The following RABEPK variants were observed in gnomAD, a reference collection of about 807,000 sequenced individuals.
RABEPK encodes the protein 40 kDa Rab9 effector protein.
Under a neutral mutation model 34.1 loss-of-function variants are expected in RABEPK, and 27 were observed. The observed-to-expected ratio is 0.79, with a 90% CI of 0.58 to 1.09. RABEPK has a LOEUF of 1.09. RABEPK is among the 50% of genes least tolerant of loss of function. The pLI is 0.00. For synonymous variants in RABEPK, 172 were observed against 169.2 expected (o/e 1.02, Z -0.13); for missense variants, 449 against 462.6 (o/e 0.97, Z 0.27).
intron 6 of RABEPK, 121 bp downstream of exon 6, chr9:125,228,180 C>A: frequency 1.2e-6 from 1 of 862,672 alleles, no homozygotes. Flanking sequence ...TCAGTAGCCT[C>A]AGCCTCCAGG....
chr9:125,213,957 A>G (rs1434611750), intron 4 of RABEPK, among the ~76,000 whole-genome samples: 4 of 152,030 alleles, frequency 2.6e-5, no homozygotes, highest in Non-Finnish European at 5.9e-5. Flanking sequence ...CCCCATCTCT[A>G]TTAAAAATAG....
In RABEPK at chr9:125,207,588, C is replaced by T. The variant is rs563716119; in HGVS notation, c.78C>T (p.Asp26=). ...GGTACACCTTGACTGTCCCTGGAGA[C>T]AGCCCCTGTGCTCGAGTTGGCCACA... is the stretch of plus-strand genomic sequence containing the variant. ...ATWYTLTVPG[D]SPCARVGHSC... The change falls in exon 3 of 8, where the codon GAC becomes GAT. Residue 26 remains aspartate, a synonymous_variant. Transcript: ENST00000373538. 1.1e-5 allele frequency: 17 copies of T among 1,614,130 alleles called. No individual in the cohort carries two copies. Among genetic ancestry groups the T allele is most frequent in the African/African-American group, 1.3e-5 (1 of 75,062 alleles).
rs781320838 is a variant in RABEPK, at chr9:125,207,671, G to A, written c.161G>A (p.Gly54Glu). The A allele has an allele frequency of 6.2e-7, 1 of 1,614,152 alleles. No homozygotes were observed. Among genetic ancestry groups the A allele is most frequent in the East Asian group, 2.2e-5 (1 of 44,882 alleles). The change falls in exon 3 of 8, where the codon GGG becomes GAG. Residue 54 changes from glycine (G) to glutamate (E), a missense_variant. By Grantham distance (98) the Gly-to-Glu change is moderately conservative (BLOSUM62 -2). Coordinates refer to ENST00000373538, the MANE Select transcript of RABEPK (RefSeq NM_005833.4). The part of the protein sequence containing the change: ...NAKRGKVFIV[G>E]GANPNRSFSD... ...AAGAGAGGGAAGGTCTTCATTGTTGGGGGAGCAAATCCAAACAGAAGCTTC... is the reference window on the plus strand; with the variant it reads ...AAGAGAGGGAAGGTCTTCATTGTTGAGGGAGCAAATCCAAACAGAAGCTTC...
chr9:125,201,699 C>T (rs190899739), intron 1 of RABEPK, among the ~76,000 whole-genome samples: 4 of 152,154 alleles, frequency 2.6e-5, no homozygotes, highest in East Asian at 3.9e-4. Flanking sequence ...CTGCAACCTC[C>T]GCCTCTTGGG....
At chr9:125,219,172 C>CT (rs11349958) in intron 4 of RABEPK, among the ~76,000 whole-genome samples, 31 of 122,434 alleles carry the variant, frequency 2.5e-4, no homozygotes, top group Non-Finnish European at 3.8e-4. Flanking sequence ...ATAGTATTGT[C>CT]TTTTTTTTTT....
intron 4 of RABEPK, among the ~76,000 whole-genome samples, chr9:125,214,123 A>G (rs1433026974): frequency 6.6e-6 from 1 of 151,208 alleles, no homozygotes; most frequent in Non-Finnish European, 1.5e-5. Flanking sequence ...CTCTGTCTCA[A>G]AAAAAAAAGA....
intron 2 of RABEPK, among the ~76,000 whole-genome samples, chr9:125,205,893 A>T (rs1438774118): frequency 6.6e-6 from 1 of 152,152 alleles, no homozygotes; most frequent in Non-Finnish European, 1.5e-5. Flanking sequence ...AATTGAAGTT[A>T]TCACTACAGA....
intron 5 of RABEPK, among the ~76,000 whole-genome samples, chr9:125,226,787 C>T (rs1003902189): frequency 1.6e-4 from 25 of 151,914 alleles, no homozygotes; most frequent in Non-Finnish European, 3.2e-4. Context: ...TTGCTTGAAC[C>T]GGGGAGGCGG....
At chr9:125,211,985 C>G (rs1393315047) in intron 3 of RABEPK, among the ~76,000 whole-genome samples, 2 of 151,730 alleles carry the variant, frequency 1.3e-5, no homozygotes, top group African/African-American at 2.4e-5. Context: ...AAAAAAAATT[C>G]AAAGGTAAAT....
intron 2 of RABEPK, 146 bp downstream of exon 2, chr9:125,203,212 A>G (rs1051147486): frequency 3.1e-6 from 2 of 644,854 alleles, no homozygotes; most frequent in Non-Finnish European, 5.6e-6. Flanking sequence ...CTGTCTGAGA[A>G]AGTCTTCAGA....
At chr9:125,203,121 A>C (rs59356323) in intron 2 of RABEPK, 55 bp downstream of exon 2, 197,332 of 1,486,680 alleles carry the variant, frequency 0.13, 13,931 homozygotes, top group Non-Finnish European at 0.14. Context: ...TTCATTTATA[A>C]GTAGTTTATT....
chr9:125,224,212 A>AG (rs1831565875), intron 5 of RABEPK, among the ~76,000 whole-genome samples: 2 of 148,004 alleles, frequency 1.4e-5, no homozygotes, highest in Admixed American at 6.7e-5. Context: ...CAAAAACAAA[A>AG]CAAAAAAAAA....
chr9:125,212,220 GTTTT>G (rs1428649583), intron 3 of RABEPK, among the ~76,000 whole-genome samples: 1 of 151,982 alleles, frequency 6.6e-6, no homozygotes, highest in Non-Finnish European at 1.5e-5. Context: ...AAAGGTTAGG[GTTTT>G]TTGTTTGTTT....
At chr9:125,206,861 G>A (rs1186722379) in intron 2 of RABEPK, among the ~76,000 whole-genome samples, 1 of 152,094 alleles carries the variant, frequency 6.6e-6, no homozygotes, top group Non-Finnish European at 1.5e-5. Context: ...AAGCCGAGGC[G>A]GGCGGATCAC....
Position 125,228,028 on chromosome 9 carries a change from A to G in RABEPK, c.645A>G (p.Arg215=). The part of the protein sequence containing the change: ...LFIHGGLAGD[R]FYDDLHCIDI... ...TCCACGGAGGCTTGGCGGGGGACAG[A>G]TTCTATGATGACCTCCACTGCATTG... Residue 215 remains arginine, a synonymous_variant, in exon 6 of 8, where the codon AGA becomes AGG. Transcript: ENST00000373538. 6.2e-7 allele frequency: 1 copy of G among 1,603,336 alleles called. No individual in the cohort carries two copies. The highest frequency in any genetic ancestry group is 1.1e-5 in the South Asian group (1 of 89,662).
Position 125,234,114 on chromosome 9 carries a change from T to C in RABEPK, c.*134T>C, listed in dbSNP as rs1252036645. On this transcript the variant is annotated 3_prime_UTR_variant, in exon 8 of 8. Coordinates refer to ENST00000373538, the MANE Select transcript of RABEPK (RefSeq NM_005833.4). ...CTACTTTGGTAGGTGAAGAAACTAA[T>C]GCAAATAATTCTTATGTGCACTAAA... The C allele has an allele frequency of 2.1e-6, 2 of 947,162 alleles. No homozygotes were observed. The highest frequency in any genetic ancestry group is 3.3e-5 in the African/African-American group (2 of 60,304). 58.7% of individuals were successfully genotyped at this position (947,162 alleles called of 1,614,324 possible). A position where few individuals can be genotyped will look rare whatever the true frequency, so the allele number is the denominator to read the frequency against.
intron 6 of RABEPK, 21 bp from the exon 7 acceptor site, chr9:125,232,575 G>A (rs1447097486): frequency 3.7e-6 from 6 of 1,604,908 alleles, no homozygotes; most frequent in Non-Finnish European, 5.1e-6. Flanking sequence ...CTGCGCCAAA[G>A]CTCTTTCTTT....
intron 4 of RABEPK, among the ~76,000 whole-genome samples, chr9:125,219,568 T>A (rs1831181783): frequency 1.3e-5 from 2 of 151,532 alleles, no homozygotes; most frequent in South Asian, 4.2e-4. Flanking sequence ...TTTATTTATT[T>A]ATTTATTTAT....
At chr9:125,201,430 A>G (rs917959256) in intron 1 of RABEPK, among the ~76,000 whole-genome samples, 2 of 152,226 alleles carry the variant, frequency 1.3e-5, no homozygotes, top group Non-Finnish European at 2.9e-5. Context: ...TTTCTATGCT[A>G]TGTTGAGGCC....
Sources: allele counts gnomAD v4.1 joint callset (sites outside exome capture counted in the v4.1 genomes callset), GRCh38; gene constraint gnomAD v4.1.1; transcripts MANE v1.5; gene names NCBI Gene and HGNC (gene_info 2026-07-23, HGNC 2026-07-21).